ZC3H11A: variants seen among roughly 807,000 people sequenced by gnomAD.
ZC3H11A encodes zinc finger CCCH domain-containing protein 11A.
ZC3H11A carries 22 observed loss-of-function variants against 90.8 expected under a neutral mutation model. That is an observed-to-expected ratio of 0.24 (90% confidence interval 0.17 to 0.35). The LOEUF is 0.35. ZC3H11A is among the 10% of genes least tolerant of loss of function. The probability of loss-of-function intolerance (pLI) is 1.00; values close to 1 mark genes in which losing one functional copy is unlikely to be tolerated. For synonymous variants in ZC3H11A, 294 were observed against 339.8 expected (o/e 0.87, Z 1.48); for missense variants, 701 against 964.9 (o/e 0.73, Z 3.62).
intron 4 of ZC3H11A, among the ~76,000 whole-genome samples, chr1:203,823,613 C>T (rs1229355453): frequency 6.6e-6 from 1 of 152,202 alleles, no homozygotes; most frequent in Non-Finnish European, 1.5e-5. Context: ...CAAGAGCAAG[C>T]CTTGCAAGCA....
rs1340822208 is a variant in ZC3H11A, at chr1:203,852,493, A to T, written c.*94A>T. The stretch of plus-strand genomic sequence containing the variant: ...ATTTACCTGAGATGATCATTTCTTT[A>T]GTCTAGAATTTGCCCCAAATCAGAA... On this transcript the variant is annotated 3_prime_UTR_variant, in exon 18 of 18. Coordinates refer to ENST00000367210, the MANE Select transcript of ZC3H11A (RefSeq NM_001376342.1). The T allele has an allele frequency of 7.6e-5, 108 of 1,414,324 alleles. No individual in the cohort carries two copies. Among genetic ancestry groups the T allele is most frequent in the Non-Finnish European group, 1.0e-4 (108 of 1,049,614 alleles). 87.6% of individuals were successfully genotyped at this position (1,414,324 alleles called of 1,614,324 possible).
chr1:203,844,019 G>A (rs1195248761), intron 12 of ZC3H11A, among the ~76,000 whole-genome samples: 1 of 151,710 alleles, frequency 6.6e-6, no homozygotes, highest in African/African-American at 2.4e-5. Context: ...TACCACGCCC[G>A]GCTAATTTTG....
chr1:203,817,599 C>CAA (rs1676789438), intron 3 of ZC3H11A, among the ~76,000 whole-genome samples: 1 of 151,978 alleles, frequency 6.6e-6, no homozygotes, highest in Non-Finnish European at 1.5e-5. Context: ...TATGCTTTTG[C>CAA]AGTTTTTTGG....
intron 1 of ZC3H11A, chr1:203,797,959 C>T (rs1445266021): frequency 1.3e-6 from 2 of 1,535,698 alleles, no homozygotes; most frequent in Non-Finnish European, 1.7e-6. Flanking sequence ...CCCCAGTACA[C>T]CTGGCGGGCC....
intron 11 of ZC3H11A, 99 bp from the exon 12 acceptor site, chr1:203,840,207 G>T: frequency 8.5e-7 from 1 of 1,180,168 alleles, no homozygotes; most frequent in South Asian, 1.4e-5. Context: ...CCAAAGTTCT[G>T]GGATTACAGG....
intron 1 of ZC3H11A, chr1:203,800,909 A>C (rs1670372101): frequency 1.3e-5 from 2 of 152,622 alleles, no homozygotes; most frequent in Non-Finnish European, 2.9e-5. Context: ...ATGCTTAATT[A>C]CAACTTGGCA....
At chr1:203,801,058 G>GAA (rs1670418784) in intron 1 of ZC3H11A, 2 of 152,152 alleles carry the variant, frequency 1.3e-5, no homozygotes, top group Non-Finnish European at 2.9e-5. Flanking sequence ...GGAAATATTA[G>GAA]AAAACAATTA....
At chr1:203,831,434 C>T (rs1036550888) in intron 8 of ZC3H11A, among the ~76,000 whole-genome samples, 2 of 152,008 alleles carry the variant, frequency 1.3e-5, no homozygotes, top group Admixed American at 6.6e-5. Flanking sequence ...AGTTTGGGTG[C>T]CTAAGTCACT....
intron 1 of ZC3H11A, chr1:203,799,653 C>T: frequency 1.4e-6 from 1 of 704,096 alleles, no homozygotes; most frequent in Non-Finnish European, 2.6e-6. Flanking sequence ...AGGATTGAAT[C>T]AGGTGCTACC....
intron 1 of ZC3H11A, chr1:203,798,193 A>G: frequency 1.3e-6 from 2 of 1,536,148 alleles, no homozygotes; most frequent in Non-Finnish European, 1.7e-6. Flanking sequence ...GATCCATTAG[A>G]TGATAATAGA....
At chr1:203,810,352 T>A (rs570069689) in intron 2 of ZC3H11A, among the ~76,000 whole-genome samples, 1 of 152,142 alleles carries the variant, frequency 6.6e-6, no homozygotes, top group East Asian at 1.9e-4. Context: ...ATAAAGATGA[T>A]ATATAAAGAA....
chr1:203,820,468 A>ATG (rs71145033), intron 4 of ZC3H11A, among the ~76,000 whole-genome samples: 69 of 150,490 alleles, frequency 4.6e-4, no homozygotes, highest in East Asian at 1.4e-3. Flanking sequence ...ATCACAAATT[A>ATG]TGTGTGTGTG....
chr1:203,849,431 C>T (rs1246481905), intron 14 of ZC3H11A, among the ~76,000 whole-genome samples: 3 of 152,076 alleles, frequency 2.0e-5, no homozygotes, highest in African/African-American at 7.2e-5. Flanking sequence ...GTACATAAAT[C>T]TTTGTGCAGG....
chr1:203,809,049 C>T (rs7542453), intron 2 of ZC3H11A, among the ~76,000 whole-genome samples: 19,182 of 151,990 alleles, frequency 0.13, 1,589 homozygotes, highest in East Asian at 0.29. Flanking sequence ...AAGCTGGTCT[C>T]GAACTCCTGA....
At chr1:203,797,147 T>C (rs1332638784) in intron 1 of ZC3H11A, 1 of 160,920 alleles carries the variant, frequency 6.2e-6, no homozygotes, top group African/African-American at 2.4e-5. Context: ...ATATAGTTCT[T>C]GATGAAGCAG....
chr1:203,830,354 C>T, intron 8 of ZC3H11A, 151 bp downstream of exon 8: 1 of 668,440 alleles, frequency 1.5e-6, no homozygotes, highest in Non-Finnish European at 2.6e-6. Context: ...ATTGTGGTTG[C>T]TTTTAATTCA....
At chr1:203,840,206 T>G in intron 11 of ZC3H11A, 100 bp from the exon 12 acceptor site, 1 of 1,178,030 alleles carries the variant, frequency 8.5e-7, no homozygotes, top group Non-Finnish European at 1.2e-6. Flanking sequence ...CCCAAAGTTC[T>G]GGGATTACAG....
Position 203,853,833 on chromosome 1 carries a change from T to G in ZC3H11A, c.*1434T>G, listed in dbSNP as rs1302980908. On this transcript the variant is annotated 3_prime_UTR_variant, in exon 18 of 18. Transcript: ENST00000367210. ...TTATGTATAGACACACCTCTACCAA[T>G]CCATCTTCAGCTGACTGAATGTTGT... is the stretch of plus-strand genomic sequence containing the variant. 6.6e-6 allele frequency: 1 copy of G among 152,642 alleles called. No individual in the cohort carries two copies. The highest frequency in any genetic ancestry group is 6.5e-5 in the Admixed American group (1 of 15,276). 9.5% of individuals were successfully genotyped at this position (152,642 alleles called of 1,614,324 possible).
intron 4 of ZC3H11A, among the ~76,000 whole-genome samples, chr1:203,822,004 G>C (rs535907117): frequency 1.3e-5 from 2 of 152,050 alleles, no homozygotes; most frequent in African/African-American, 2.4e-5. Flanking sequence ...TGATCCGCCC[G>C]CCTTGGCCTC....
Sources: gnomAD v4.1 joint callset for allele counts (sites outside exome capture counted in the v4.1 genomes callset) on GRCh38, gnomAD v4.1.1 for gene constraint, MANE v1.5 for transcripts, NCBI Gene and HGNC (gene_info 2026-07-23, HGNC 2026-07-21) for gene names.